PASK: variants seen among roughly 807,000 people sequenced by gnomAD.
The protein encoded by PASK is PAS domain-containing serine/threonine-protein kinase.
In PASK, 110 loss-of-function variants were observed where a neutral mutation model predicts 121.0. The observed-to-expected ratio is 0.91, with a 90% CI of 0.78 to 1.06. The LOEUF is 1.06. Among genes scored for constraint, PASK ranks in the 50% least tolerant of loss-of-function variants. The probability of loss-of-function intolerance (pLI) is 0.00; values close to 1 mark genes in which losing one functional copy is unlikely to be tolerated. For synonymous variants in PASK, 686 were observed against 717.8 expected (o/e 0.96, Z 0.71); for missense variants, 1,643 against 1,702.3 (o/e 0.97, Z 0.61).
intron 14 of PASK, chr2:241,114,775 G>T: frequency 1.4e-6 from 2 of 1,408,040 alleles, no homozygotes; most frequent in Non-Finnish European, 1.8e-6. Flanking sequence ...GATATTTTAT[G>T]TATGTAAATA....
At position 241,106,571 on chromosome 2, in the gene PASK, T is replaced by A. The variant is rs759812741; in HGVS notation, c.3967A>T (p.Ser1323Cys). 5.0e-6 allele frequency: 8 copies of A among 1,614,208 alleles called. No homozygotes were observed. Among genetic ancestry groups the A allele is most frequent in the Middle Eastern group, 1.6e-4 (1 of 6,062 alleles). The change falls in exon 18 of 18, where the codon AGC becomes TGC. Residue 1323 changes from serine to cysteine, a missense_variant. Around this residue, in one of 3 missense-constraint regions of PASK, gnomAD observed 453 missense variants for 511.2 expected, o/e 0.89. Transcript: ENST00000234040. Reference protein sequence around the residue: ...LHPGDPRLLTS With the variant: ...LHPGDPRLLTC ...AAGCAGGAAGAAATTGGTGTTTAGC[T>A]GGTCAGCAGACGGGGATCCCCGGGA...
At chr2:241,131,512 T>C (rs1194916026) in intron 9 of PASK, among the ~76,000 whole-genome samples, 2 of 152,174 alleles carry the variant, frequency 1.3e-5, no homozygotes, top group Non-Finnish European at 2.9e-5. Context: ...ATTTTTTAAA[T>C]AATTTCAAGA....
intron 12 of PASK, among the ~76,000 whole-genome samples, chr2:241,116,726 A>G (rs2065387130): frequency 6.6e-6 from 1 of 152,222 alleles, no homozygotes; most frequent in Non-Finnish European, 1.5e-5. Context: ...GAACACTGCA[A>G]GTCGCTGAAA....
At chr2:241,110,106 C>T (rs1407504702) in intron 15 of PASK, among the ~76,000 whole-genome samples, 2 of 152,146 alleles carry the variant, frequency 1.3e-5, no homozygotes, top group Non-Finnish European at 2.9e-5. Flanking sequence ...ATCCAGAAAA[C>T]GCAATCAAAT....
chr2:241,108,384 C>T lies in PASK; in HGVS notation c.3534-84G>A. The T allele has an allele frequency of 7.2e-7, 1 of 1,397,298 alleles. No individual in the cohort carries two copies. The highest frequency in any genetic ancestry group is 1.0e-6 in the Non-Finnish European group (1 of 993,970). The allele number at this position is 1,397,298 out of a possible 1,614,324, so 86.6% of individuals were successfully genotyped here. Reference sequence around the variant, plus strand: ...GCCCATGGGAAGCACCATGGCCCTTCCCGACCAGCACACAGGCCAGGCAGT... The same window carrying T: ...GCCCATGGGAAGCACCATGGCCCTTTCCGACCAGCACACAGGCCAGGCAGT... On this transcript the variant is annotated intron_variant, in intron 15 of 17. Coordinates refer to ENST00000234040, the MANE Select transcript of PASK (RefSeq NM_015148.4). The surrounding 1 kb of genome is among the most constrained non-coding windows in gnomAD (Gnocchi z 5.2).
intron 8 of PASK, 72 bp from the exon 9 acceptor site, chr2:241,133,102 G>C (rs2066244647): frequency 2.1e-6 from 3 of 1,444,292 alleles, no homozygotes; most frequent in Non-Finnish European, 2.9e-6. Flanking sequence ...TCATTCGCCT[G>C]GAACTCACTG....
In PASK at chr2:241,126,559, C is replaced by T. The variant is rs752638662; in HGVS notation, c.2356G>A (p.Glu786Lys). The T allele has an allele frequency of 5.0e-6, 8 of 1,614,162 alleles. No homozygotes were observed. Among genetic ancestry groups the T allele is most frequent in the Non-Finnish European group, 5.1e-6 (6 of 1,180,058 alleles). The change falls in exon 10 of 18, where the codon GAA becomes AAA. Residue 786 changes from glutamate (E) to lysine (K), a missense_variant. Physicochemically the swap from Glu to Lys is moderately conservative, Grantham distance 56 (BLOSUM62 1). Coordinates refer to ENST00000234040, the MANE Select transcript of PASK (RefSeq NM_015148.4). ...GSDPDVGSLQ[E>K]QGSCVLDDRE... ...TCATCCAGGACACACGACCCCTGTT[C>T]CTGGAGACTGCCTACATCTGGATCG...
At chr2:241,111,312 G>A (rs965522299) in intron 15 of PASK, among the ~76,000 whole-genome samples, 4 of 152,204 alleles carry the variant, frequency 2.6e-5, no homozygotes, top group African/African-American at 9.7e-5. Context: ...AGATATGGGC[G>A]GTGCAGCAGA....
At chr2:241,136,964 C>T in intron 7 of PASK, 40 bp downstream of exon 7, 1 of 1,599,702 alleles carries the variant, frequency 6.3e-7, no homozygotes, top group Non-Finnish European at 8.5e-7. Flanking sequence ...CAGCAGCTTC[C>T]TCCCAGGGAA....
At chr2:241,132,551 A>G (rs987622154) in intron 9 of PASK, among the ~76,000 whole-genome samples, 2 of 150,972 alleles carry the variant, frequency 1.3e-5, no homozygotes, top group African/African-American at 2.4e-5. Flanking sequence ...AAAAAAAAAA[A>G]AAAGAAAATG....
Position 241,124,091 on chromosome 2 carries a change from G to A in PASK, c.2762C>T (p.Thr921Ile), listed in dbSNP as rs1051318032. ...EVRRVELQGP[T>I]PLFCCWLVKD... ...CACCAGCCAGCAGCAGAACAGAGGTGTGGGGCCCTGGAGCTCCACCCGCCT... is the reference window on the plus strand; with the variant it reads ...CACCAGCCAGCAGCAGAACAGAGGTATGGGGCCCTGGAGCTCCACCCGCCT... Residue 921 changes from threonine (T) to isoleucine (I), a missense_variant, in exon 11 of 18, where the codon ACA (threonine) becomes ATA (isoleucine). Thr to Ile is a moderately conservative substitution (Grantham distance 89). Around this residue, in one of 3 missense-constraint regions of PASK, gnomAD observed 14 missense variants for 28.9 expected, o/e 0.48. Coordinates refer to ENST00000234040, the MANE Select transcript of PASK (RefSeq NM_015148.4). 1 of 1,613,778 alleles carries A rather than the reference G, an allele frequency of 6.2e-7. No homozygotes were observed. Among genetic ancestry groups the A allele is most frequent in the African/African-American group, 1.3e-5 (1 of 75,044 alleles).
Position 241,112,279 on chromosome 2 carries a change from G to A in PASK, c.3494C>T (p.Thr1165Ile). The A allele has an allele frequency of 6.2e-7, 1 of 1,613,770 alleles. No individual in the cohort carries two copies. Among genetic ancestry groups the A allele is most frequent in the Non-Finnish European group, 8.5e-7 (1 of 1,179,800 alleles). Residue 1165 changes from threonine to isoleucine, a missense_variant, in exon 15 of 18, where the codon ACC (threonine) becomes ATC (isoleucine). Physicochemically the swap from Thr to Ile is moderately conservative, Grantham distance 89. Transcript: ENST00000234040. The surrounding 1 kb of genome is among the most constrained non-coding windows in gnomAD (Gnocchi z 5.2). ...AACTTCCGGTGCACAGTACTCGATG[G>A]TCCCACAAAAAGTATAAAATAATTT... ...RGKLFYTFCG[T>I]IEYCAPEVLM...
intron 1 of PASK, among the ~76,000 whole-genome samples, chr2:241,147,874 G>C (rs1207868369): frequency 1.3e-5 from 2 of 152,138 alleles, no homozygotes; most frequent in East Asian, 3.9e-4. Context: ...CTGCGGGAGC[G>C]GGGAGGACAG....
rs755213516 is a variant in PASK at position 241,126,919 on chromosome 2, G to A, written c.1996C>T (p.Leu666=). Residue 666 remains leucine (L), a synonymous_variant, in exon 10 of 18, where the codon CTG becomes TTG. Coordinates refer to ENST00000234040, the MANE Select transcript of PASK (RefSeq NM_015148.4). ...ELQTCLIKEQ[L]SQLSLAGALD... is the part of the protein sequence containing the mutation. ...GCTCCTGCAAGGCTCAACTGGGACA[G>A]CTGCTCCTTAATCAAGCAGGTCTGC... is the stretch of plus-strand genomic sequence containing the variant. 3.1e-6 allele frequency: 5 copies of A among 1,614,028 alleles called. No homozygotes were observed. The African/African-American group carries it at 5.3e-5, about 17-fold the overall frequency.
In PASK at chr2:241,126,902, A is replaced by G; in HGVS notation, c.2013T>C (p.Leu671=). 1.9e-6 allele frequency: 3 copies of G among 1,613,844 alleles called. No homozygotes were observed. The highest frequency in any genetic ancestry group is 1.7e-6 in the Non-Finnish European group (2 of 1,179,798). ...CGTGGGGGACATCCAGGGCTCCTGC[A>G]AGGCTCAACTGGGACAGCTGCTCCT... ...LIKEQLSQLS[L]AGALDVPHAE... Residue 671 remains leucine (L), a synonymous_variant, in exon 10 of 18, where the codon CTT becomes CTC. Coordinates refer to ENST00000234040, the MANE Select transcript of PASK (RefSeq NM_015148.4).
intron 5 of PASK, 99 bp from the exon 6 acceptor site, chr2:241,138,186 C>T (rs1185985997): frequency 8.0e-7 from 1 of 1,246,738 alleles, no homozygotes; most frequent in East Asian, 2.5e-5. Context: ...AAGACCCCAA[C>T]ATGACTTCTC....
At position 241,138,045 on chromosome 2, in the gene PASK, C is replaced by T. The variant is rs372015883; in HGVS notation, c.784G>A (p.Gly262Arg). The change falls in exon 6 of 18, where the codon GGG becomes AGG. Residue 262 changes from glycine (G) to arginine (R), a missense_variant. This residue lies in a region of PASK where 1,176 missense variants were observed against 1,162.2 expected (regional missense o/e 1.01). Coordinates refer to ENST00000234040, the MANE Select transcript of PASK (RefSeq NM_015148.4). ...GCCACGTCCTCCCCAGACACGTACC[C>T]GTGAAGATGAGCAAAGAGACTGTCA... ...SCDSLFAHLH[G>R]YVSGEDVAGQ... The T allele has an allele frequency of 5.6e-6, 9 of 1,614,074 alleles. No homozygotes were observed. In the African/African-American group the frequency reaches 6.7e-5, roughly 12 times the overall value.
intron 12 of PASK, among the ~76,000 whole-genome samples, chr2:241,116,503 G>A (rs6732666): frequency 0.11 from 16,996 of 152,230 alleles, 1,382 homozygotes; most frequent in African/African-American, 0.23. Flanking sequence ...ACCAAGGACT[G>A]GAAAGCCCTG....
At chr2:241,121,276 A>G (rs1477655632) in intron 12 of PASK, among the ~76,000 whole-genome samples, 1 of 152,208 alleles carries the variant, frequency 6.6e-6, no homozygotes, top group African/African-American at 2.4e-5. Flanking sequence ...TGGTTGCACA[A>G]TTCTGTATAT....
Sources: gnomAD v4.1 joint callset for allele counts (sites outside exome capture counted in the v4.1 genomes callset) on GRCh38, gnomAD v4.1.1 for gene constraint, gnomAD v4.1.1 regional missense constraint, Gnocchi (gnomAD v3.1) non-coding constraint, MANE v1.5 for transcripts, NCBI Gene and HGNC (gene_info 2026-07-23, HGNC 2026-07-21) for gene names.